The following VRK2 variants were observed in gnomAD, a reference collection of about 807,000 sequenced individuals.
VRK2 encodes serine/threonine-protein kinase VRK2.
In VRK2, 60 loss-of-function variants were observed where a neutral mutation model predicts 57.6. The observed-to-expected ratio is 1.04, with a 90% CI of 0.85 to 1.29. VRK2 has a LOEUF of 1.29. Among genes scored for constraint, VRK2 ranks in the 50% most tolerant of loss-of-function variants. VRK2 has a pLI of 0.00. For missense variants in VRK2, 705 were observed against 588.1 expected, an observed-to-expected ratio of 1.20 and a Z score of -2.06; for synonymous variants, 231 against 199.2, an observed-to-expected ratio of 1.16 and a Z score of -1.35.
intron 1 of VRK2, among the ~76,000 whole-genome samples, chr2:57,943,784 AAAT>A (rs1243022932): frequency 6.6e-6 from 1 of 152,238 alleles, no homozygotes; most frequent in East Asian, 1.9e-4. Flanking sequence ...GAGGTTAAAG[AAAT>A]AATAATGTTC....
intron 2 of VRK2, among the ~76,000 whole-genome samples, chr2:58,054,212 A>T (rs926703072): frequency 6.6e-6 from 1 of 151,968 alleles, no homozygotes; most frequent in Admixed American, 6.6e-5. Context: ...TCATTTTTTT[A>T]AATATCCATT....
intron 1 of VRK2, among the ~76,000 whole-genome samples, chr2:57,947,150 TTTA>T (rs1463689299): frequency 6.6e-6 from 1 of 152,128 alleles, no homozygotes; most frequent in Non-Finnish European, 1.5e-5. Flanking sequence ...AGAACTGGCA[TTTA>T]TTAAGTAAAC....
intron 7 of VRK2, among the ~76,000 whole-genome samples, chr2:58,120,184 C>CTTT (rs397868874): frequency 2.1e-3 from 110 of 51,972 alleles, no homozygotes; most frequent in East Asian, 4.0e-3. Flanking sequence ...TTTTTCTTTT[C>CTTT]TTTTTTTTTT....
chr2:58,043,548 A>C (rs1002034968), upstream of VRK2, among the ~76,000 whole-genome samples: 5 of 152,136 alleles, frequency 3.3e-5, no homozygotes, highest in African/African-American at 1.2e-4. Context: ...ATATTCATCC[A>C]GCTTGTTGAC....
intron 4 of VRK2, among the ~76,000 whole-genome samples, chr2:58,086,047 A>G (rs1356086077): frequency 2.7e-5 from 4 of 150,728 alleles, no homozygotes; most frequent in Non-Finnish European, 4.4e-5. Context: ...AAATTTAGCT[A>G]GTATATAAGA....
At chr2:57,964,893 A>G (rs927800591) in intron 1 of VRK2, among the ~76,000 whole-genome samples, 2 of 150,992 alleles carry the variant, frequency 1.3e-5, no homozygotes, top group Non-Finnish European at 3.0e-5. Context: ...AAAAAAAAAA[A>G]AAAAAAAAAA....
intron 11 of VRK2, among the ~76,000 whole-genome samples, chr2:58,142,013 T>C (rs919916102): frequency 6.6e-6 from 1 of 151,984 alleles, no homozygotes; most frequent in Admixed American, 6.6e-5. Flanking sequence ...TATTTAGTTA[T>C]AGAGCTGTTT....
intron 7 of VRK2, among the ~76,000 whole-genome samples, chr2:58,095,684 T>A (rs1673037074): frequency 6.6e-6 from 1 of 152,166 alleles, no homozygotes; most frequent in Non-Finnish European, 1.5e-5. Context: ...AGAGTTTTCT[T>A]AGAAAACTGT....
intron 9 of VRK2, among the ~76,000 whole-genome samples, chr2:58,134,668 G>A (rs1457682275): frequency 1.4e-5 from 2 of 142,006 alleles, no homozygotes; most frequent in African/African-American, 5.3e-5. Context: ...GGATCCCCCC[G>A]CCCCAGTTCA....
intron 7 of VRK2, among the ~76,000 whole-genome samples, chr2:58,093,978 T>A (rs1396828761): frequency 6.6e-6 from 1 of 152,204 alleles, no homozygotes; most frequent in Non-Finnish European, 1.5e-5. Context: ...TGGTTGTAGA[T>A]GTGTGATATT....
intron 1 of VRK2, among the ~76,000 whole-genome samples, chr2:58,010,405 A>AT (rs548684535): frequency 1.4e-3 from 213 of 151,778 alleles, no homozygotes; most frequent in African/African-American, 4.6e-3. Flanking sequence ...CCAACTCCCT[A>AT]TTTTTTTTCT....
chr2:57,950,841 C>T (rs1465016072), intron 1 of VRK2, among the ~76,000 whole-genome samples: 1 of 152,056 alleles, frequency 6.6e-6, no homozygotes, highest in Non-Finnish European at 1.5e-5. Flanking sequence ...TGCCTGTAAT[C>T]CCAGCACTTT....
At chr2:58,044,584 T>C (rs891481007), upstream of VRK2, among the ~76,000 whole-genome samples, 1 of 152,088 alleles carries the variant, frequency 6.6e-6, no homozygotes, top group Admixed American at 6.5e-5. Flanking sequence ...CTGGGAAAAA[T>C]ACAGGGAAAG....
At chr2:57,920,098 A>G (rs1572860581) in intron 1 of VRK2, among the ~76,000 whole-genome samples, 3 of 152,224 alleles carry the variant, frequency 2.0e-5, no homozygotes, top group Admixed American at 2.0e-4. Context: ...GCACCTGAAA[A>G]AATATTTTTA....
At chr2:57,961,960 C>T (rs1671774978) in intron 1 of VRK2, among the ~76,000 whole-genome samples, 1 of 152,074 alleles carries the variant, frequency 6.6e-6, no homozygotes, top group Non-Finnish European at 1.5e-5. Flanking sequence ...GCCTGTAGTC[C>T]CAGCTGCTTG....
At chr2:58,106,947 G>A (rs2104386342) in intron 7 of VRK2, among the ~76,000 whole-genome samples, 1 of 152,098 alleles carries the variant, frequency 6.6e-6, no homozygotes, top group East Asian at 1.9e-4. Context: ...GGCAAACAAG[G>A]CAGGGAAATT....
chr2:58,148,908 C>A (rs1039669079), intron 12 of VRK2, among the ~76,000 whole-genome samples: 2 of 151,822 alleles, frequency 1.3e-5, no homozygotes, highest in Non-Finnish European at 3.0e-5. Flanking sequence ...CGCTTTACAG[C>A]AAGTTCTGAA....
chr2:58,137,043 T>C (rs1325667078), intron 10 of VRK2, among the ~76,000 whole-genome samples: 2 of 129,760 alleles, frequency 1.5e-5, no homozygotes, highest in African/African-American at 3.0e-5. Flanking sequence ...ATATCATATA[T>C]AATATATATG....
intron 7 of VRK2, among the ~76,000 whole-genome samples, chr2:58,112,635 T>C (rs1288774853): frequency 2.0e-5 from 3 of 151,610 alleles, no homozygotes; most frequent in Admixed American, 6.6e-5. Flanking sequence ...CCTGAAAATA[T>C]GAGACTCAAA....
Sources: allele counts gnomAD v4.1 joint callset (sites outside exome capture counted in the v4.1 genomes callset), GRCh38; gene constraint gnomAD v4.1.1; transcripts MANE v1.5; gene names NCBI Gene and HGNC (gene_info 2026-07-23, HGNC 2026-07-21).